Variants in ANO3 observed in about 807,000 individuals in gnomAD.
ANO3 encodes the protein anoctamin 3, also known as anoctamin-3.
Under a neutral mutation model 144.8 loss-of-function variants are expected in ANO3, and 99 were observed. The observed-to-expected ratio is 0.68, with a 90% CI of 0.58 to 0.81. The LOEUF is 0.81. Among genes scored for constraint, ANO3 ranks in the 30% least tolerant of loss-of-function variants. The pLI is 0.00. For missense variants in ANO3, 905 were observed against 1,202.2 expected (o/e 0.75, Z 3.66); for synonymous variants, 414 against 392.6 (o/e 1.05, Z -0.64).
At chr11:26,429,704 G>A (rs2134008437) in intron 1 of ANO3, among the ~76,000 whole-genome samples, 1 of 152,230 alleles carries the variant, frequency 6.6e-6, no homozygotes, top group East Asian at 1.9e-4. Flanking sequence ...TTCTGATACT[G>A]GACAAGGCAA....
intron 1 of ANO3, among the ~76,000 whole-genome samples, chr11:26,207,323 G>A (rs765641917): frequency 1.3e-4 from 20 of 152,160 alleles, no homozygotes; most frequent in Non-Finnish European, 2.8e-4. Context: ...CTAGGTGTTT[G>A]TGTGTTTGCT....
chr11:26,598,130 A>G (rs1367257127), intron 14 of ANO3, among the ~76,000 whole-genome samples: 1 of 152,232 alleles, frequency 6.6e-6, no homozygotes, highest in Admixed American at 6.5e-5. Flanking sequence ...TGCTGACAAA[A>G]AGTCCCTGCT....
intron 17 of ANO3, among the ~76,000 whole-genome samples, chr11:26,603,906 GTATT>G (rs1430755023): frequency 1.3e-5 from 2 of 152,050 alleles, no homozygotes; most frequent in East Asian, 3.9e-4. Context: ...TCAACTCAGG[GTATT>G]TAGCATGACC....
intron 17 of ANO3, among the ~76,000 whole-genome samples, chr11:26,607,699 G>T (rs1306996277): frequency 6.6e-6 from 1 of 152,114 alleles, no homozygotes; most frequent in African/African-American, 2.4e-5. Context: ...CTCCTGTATT[G>T]GGTGCATAGA....
chr11:26,218,715 G>T (rs1351419561), intron 1 of ANO3, among the ~76,000 whole-genome samples: 1 of 152,154 alleles, frequency 6.6e-6, no homozygotes, highest in East Asian at 1.9e-4. Flanking sequence ...AGCAAGTGGA[G>T]CTCCAGGCTA....
rs2133110475 is a variant in ANO3 at position 26,662,128 on chromosome 11, T to C, written c.*1684T>C. ...TAACACTGAAAATGTTTTGTTAGCT[T>C]TTCCTTCTTTCTCTCCAGAAGAAAC... On this transcript the variant is annotated 3_prime_UTR_variant, in exon 27 of 27. Coordinates refer to ENST00000256737, the MANE Select transcript of ANO3 (RefSeq NM_031418.4). 1 of 152,168 alleles carries C rather than the reference T, an allele frequency of 6.6e-6. No homozygotes were observed. The highest frequency in any genetic ancestry group is 2.1e-4 in the South Asian group (1 of 4,824). The allele number at this position is 152,168 out of a possible 1,614,324, so 9.4% of individuals were successfully genotyped here.
intron 1 of ANO3, among the ~76,000 whole-genome samples, chr11:26,382,628 C>T (rs980751859): frequency 4.6e-5 from 7 of 152,158 alleles, no homozygotes; most frequent in African/African-American, 1.7e-4. Context: ...CATCATGTCT[C>T]ACAAATTACA....
intron 4 of ANO3, among the ~76,000 whole-genome samples, chr11:26,507,748 A>G (rs1861493264): frequency 6.6e-6 from 1 of 152,206 alleles, no homozygotes; most frequent in South Asian, 2.1e-4. Flanking sequence ...AACATATGTT[A>G]GCATTATTTT....
chr11:26,263,112 T>G (rs958237400), intron 1 of ANO3, among the ~76,000 whole-genome samples: 4 of 152,212 alleles, frequency 2.6e-5, no homozygotes, highest in African/African-American at 9.7e-5. Flanking sequence ...TTCCTCTCGT[T>G]TCCTCCATTA....
intron 7 of ANO3, among the ~76,000 whole-genome samples, chr11:26,526,646 G>A (rs1590461162): frequency 6.6e-6 from 1 of 152,026 alleles, no homozygotes; most frequent in East Asian, 1.9e-4. Flanking sequence ...TCTGTTTTAA[G>A]CATTAATTTT....
chr11:26,328,205 A>G (rs562834168), upstream of ANO3, among the ~76,000 whole-genome samples: 1 of 152,242 alleles, frequency 6.6e-6, no homozygotes, highest in Non-Finnish European at 1.5e-5. Flanking sequence ...GGATATCATC[A>G]GGATGAATCT....
intron 17 of ANO3, among the ~76,000 whole-genome samples, chr11:26,612,573 T>C (rs1852130467): frequency 6.6e-6 from 1 of 151,720 alleles, no homozygotes; most frequent in African/African-American, 2.4e-5. Flanking sequence ...GTTCGATTTA[T>C]GAATTTGTCT....
chr11:26,504,998 C>T (rs1177305823), intron 4 of ANO3, among the ~76,000 whole-genome samples: 6 of 105,498 alleles, frequency 5.7e-5, no homozygotes, highest in African/African-American at 1.9e-4. Context: ...GGCGACAGAG[C>T]GAGACTCCAC....
chr11:26,571,220 T>A (rs530876449), intron 14 of ANO3, among the ~76,000 whole-genome samples: 1 of 152,212 alleles, frequency 6.6e-6, no homozygotes, highest in Admixed American at 6.5e-5. Flanking sequence ...TAGATCAAAA[T>A]TTTCAAGCAT....
In ANO3 at chr11:26,639,131, T is replaced by C. The variant is rs770841340; in HGVS notation, c.2044-13T>C. On this transcript the variant is annotated splice_polypyrimidine_tract_variant and intron_variant, in intron 20 of 26. Transcript: ENST00000256737. ...AAGACCAATATCATTATTGCTCTTA[T>C]GTTCTATTTCAGTGTCATCCTAGTG... 3.4e-5 allele frequency: 54 copies of C among 1,570,778 alleles called. No homozygotes were observed. Among genetic ancestry groups the C allele is most frequent in the Admixed American group, 6.7e-5 (4 of 59,914 alleles).
intron 1 of ANO3, among the ~76,000 whole-genome samples, chr11:26,208,884 C>A (rs1851872692): frequency 6.6e-6 from 1 of 152,114 alleles, no homozygotes; most frequent in East Asian, 1.9e-4. Context: ...GATAGCAGAT[C>A]ATATGATCCT....
At chr11:26,456,544 AG>A (rs1565036243) in intron 3 of ANO3, among the ~76,000 whole-genome samples, 10 of 139,016 alleles carry the variant, frequency 7.2e-5, no homozygotes. Context: ...CACACCAATT[AG>A]AATGACAATC....
At chr11:26,331,434 AG>A (rs1366808397), upstream of ANO3, 1 of 152,212 alleles carries the variant, frequency 6.6e-6, no homozygotes, top group Non-Finnish European at 1.5e-5. Context: ...CTTTCAAATA[AG>A]GTGTTGATTT....
intron 23 of ANO3, 52 bp downstream of exon 23, chr11:26,643,386 T>C: frequency 6.2e-7 from 1 of 1,600,720 alleles, no homozygotes; most frequent in Non-Finnish European, 8.5e-7. Context: ...AATAGGTTGC[T>C]ATGGTTTGAG....
Sources: allele counts gnomAD v4.1 joint callset (sites outside exome capture counted in the v4.1 genomes callset), GRCh38; gene constraint gnomAD v4.1.1; transcripts MANE v1.5; gene names NCBI Gene and HGNC (gene_info 2026-07-23, HGNC 2026-07-21).